The following SEMA3C variants were observed in gnomAD, a reference collection of about 807,000 sequenced individuals.
SEMA3C encodes semaphorin 3C.
Under a neutral mutation model 89.4 loss-of-function variants are expected in SEMA3C, and 47 were observed. The observed-to-expected ratio is 0.53, with a 90% CI of 0.42 to 0.67. The LOEUF is 0.67. Among genes scored for constraint, SEMA3C ranks in the 30% least tolerant of loss-of-function variants. SEMA3C has a pLI of 0.00. For synonymous variants in SEMA3C, 310 were observed against 320.2 expected, an observed-to-expected ratio of 0.97 and a Z score of 0.34; for missense variants, 839 against 929.1, an observed-to-expected ratio of 0.90 and a Z score of 1.26.
intron 5 of SEMA3C, among the ~76,000 whole-genome samples, chr7:80,817,478 G>A (rs1194469704): frequency 1.3e-5 from 2 of 152,020 alleles, no homozygotes; most frequent in Non-Finnish European, 2.9e-5. Context: ...ATTATGTTAA[G>A]TAAAACAACA....
intron 2 of SEMA3C, among the ~76,000 whole-genome samples, chr7:80,861,024 C>G (rs1423233513): frequency 2.0e-5 from 3 of 152,092 alleles, no homozygotes; most frequent in Non-Finnish European, 4.4e-5. Context: ...ACTTAATTAA[C>G]AAAGGCCTTT....
At chr7:80,756,338 A>C (rs1305246137) in intron 15 of SEMA3C, among the ~76,000 whole-genome samples, 1 of 150,050 alleles carries the variant, frequency 6.7e-6, no homozygotes, top group African/African-American at 2.5e-5. Flanking sequence ...TTTTTTTGCC[A>C]CCTCTTCCTT....
At chr7:80,855,532 A>G (rs965705968) in intron 2 of SEMA3C, among the ~76,000 whole-genome samples, 3 of 152,130 alleles carry the variant, frequency 2.0e-5, no homozygotes, top group African/African-American at 7.2e-5. Flanking sequence ...GGCCTCCCAC[A>G]GCACTGGGAT....
chr7:80,786,256 C>T (rs1477282584), intron 12 of SEMA3C, among the ~76,000 whole-genome samples: 1 of 151,874 alleles, frequency 6.6e-6, no homozygotes, highest in Non-Finnish European at 1.5e-5. Context: ...TAAGAAAAGC[C>T]AAAGAATTTG....
chr7:80,850,969 G>A (rs772155933), intron 2 of SEMA3C, among the ~76,000 whole-genome samples: 9 of 152,062 alleles, frequency 5.9e-5, no homozygotes, highest in Admixed American at 2.6e-4. Flanking sequence ...CCCTCTGGAG[G>A]CTTTGGGGAT....
At chr7:80,815,600 A>G (rs1233552411) in intron 5 of SEMA3C, among the ~76,000 whole-genome samples, 1 of 149,002 alleles carries the variant, frequency 6.7e-6, no homozygotes, top group Non-Finnish European at 1.5e-5. Context: ...GGGAATGAAG[A>G]TATAAAACAG....
intron 12 of SEMA3C, among the ~76,000 whole-genome samples, chr7:80,773,619 A>G (rs1788482472): frequency 6.6e-6 from 1 of 152,202 alleles, no homozygotes; most frequent in South Asian, 2.1e-4. Context: ...CTGTCTGGGA[A>G]CAATCTCAAC....
intron 17 of SEMA3C, among the ~76,000 whole-genome samples, chr7:80,747,059 T>C (rs972954315): frequency 1.3e-5 from 2 of 152,046 alleles, no homozygotes; most frequent in African/African-American, 4.8e-5. Flanking sequence ...TCAGAATAAG[T>C]TTAGTAAAAT....
At chr7:80,922,212 G>A (rs911684495), upstream of SEMA3C, 51 of 1,266,914 alleles carry the variant, frequency 4.0e-5, no homozygotes, top group East Asian at 9.0e-4. Context: ...AAACTCAAGC[G>A]TGATTGCCGT....
chr7:80,763,811 T>C (rs1039951373), intron 13 of SEMA3C, among the ~76,000 whole-genome samples: 10 of 152,126 alleles, frequency 6.6e-5, no homozygotes, highest in African/African-American at 2.2e-4. Flanking sequence ...AAAAAAAATA[T>C]GTTCTATATA....
intron 5 of SEMA3C, among the ~76,000 whole-genome samples, chr7:80,813,874 T>G (rs577066402): frequency 6.6e-6 from 1 of 152,302 alleles, no homozygotes; most frequent in African/African-American, 2.4e-5. Context: ...TAACGTCAAT[T>G]ATTGCATTGA....
chr7:80,920,361 C>T (rs1212544104), upstream of SEMA3C, among the ~76,000 whole-genome samples: 2 of 152,278 alleles, frequency 1.3e-5, no homozygotes, highest in Middle Eastern at 3.4e-3. Flanking sequence ...TGTAATATCT[C>T]CACCTTATAC....
chr7:80,766,434 A>AG (rs61150695), intron 12 of SEMA3C, among the ~76,000 whole-genome samples: 152,306 of 152,306 alleles, frequency 1, 76,153 homozygotes, highest in Non-Finnish European at 1. Context: ...TCCTCTCCGC[A>AG]GGCATACGCC....
In SEMA3C at chr7:80,818,305, T is replaced by C. The variant is rs139820166; in HGVS notation, c.441A>G (p.Arg147=). The C allele has an allele frequency of 1.0e-5, 16 of 1,606,058 alleles. No homozygotes were observed. The African/African-American group carries it at 2.0e-4, about 20-fold the overall frequency. ...GTTAAATAGTTATACTTACCTCTGA[T>C]CTCCTCCCTCTGTTCAAGTAAGTAC... The part of the protein sequence containing the change: ...PVCTYLNRGR[R]SEDQVFMIDS... The change falls in exon 5 of 18, where the codon AGA becomes AGG. Residue 147 remains arginine, a synonymous_variant. Transcript: ENST00000265361.
intron 2 of SEMA3C, among the ~76,000 whole-genome samples, chr7:80,850,684 G>A (rs1790490755): frequency 6.6e-6 from 1 of 152,148 alleles, no homozygotes; most frequent in South Asian, 2.1e-4. Flanking sequence ...GACAAGTATG[G>A]TATCTTTTGC....
intron 12 of SEMA3C, among the ~76,000 whole-genome samples, chr7:80,769,864 CAAA>C (rs1293174938): frequency 2.4e-4 from 11 of 46,672 alleles, no homozygotes; most frequent in African/African-American, 1.1e-3. Context: ...GTCCCCCCCC[CAAA>C]AAAAAAAAAA....
At chr7:80,845,507 C>T (rs1790369438) in intron 2 of SEMA3C, among the ~76,000 whole-genome samples, 1 of 152,052 alleles carries the variant, frequency 6.6e-6, no homozygotes, top group Non-Finnish European at 1.5e-5. Context: ...ATTCAACCTA[C>T]AAACAATAAA....
At chr7:80,886,993 T>C (rs1791498489) in intron 2 of SEMA3C, among the ~76,000 whole-genome samples, 1 of 152,156 alleles carries the variant, frequency 6.6e-6, no homozygotes, top group South Asian at 2.1e-4. Flanking sequence ...CATGTTTGTA[T>C]AAAATCATTA....
At chr7:80,800,700 C>T in intron 10 of SEMA3C, 57 bp downstream of exon 10, 1 of 1,024,916 alleles carries the variant, frequency 9.8e-7, no homozygotes, top group South Asian at 1.4e-5. Context: ...ATAATAATTA[C>T]TGTTACTCCA....
Sources: gnomAD v4.1 joint callset for allele counts (sites outside exome capture counted in the v4.1 genomes callset) on GRCh38, gnomAD v4.1.1 for gene constraint, MANE v1.5 for transcripts, NCBI Gene and HGNC (gene_info 2026-07-23, HGNC 2026-07-21) for gene names.